The following ZBTB20 variants were observed in gnomAD, a reference collection of about 807,000 sequenced individuals.
ZBTB20 encodes zinc finger and BTB domain-containing protein 20.
ZBTB20 carries 9 observed loss-of-function variants against 56.9 expected under a neutral mutation model. The observed-to-expected ratio is 0.16, with a 90% CI of 0.10 to 0.28. The LOEUF (loss-of-function observed/expected upper bound fraction) is 0.28, where lower values mean the gene tolerates loss of function less well. ZBTB20 is among the 10% of genes least tolerant of loss of function. The pLI, the probability that ZBTB20 is intolerant of heterozygous loss-of-function variation, is 1.00. For synonymous variants in ZBTB20, 417 were observed against 420.7 expected, an observed-to-expected ratio of 0.99 and a Z score of 0.11; for missense variants, 655 against 1,003.0, an observed-to-expected ratio of 0.65 and a Z score of 4.69.
At chr3:115,121,310 A>C (rs2084175636) in intron 1 of ZBTB20, among the ~76,000 whole-genome samples, 1 of 152,072 alleles carries the variant, frequency 6.6e-6, no homozygotes, top group Admixed American at 6.5e-5. Flanking sequence ...TGTACCCATC[A>C]TTCAATTTCA....
At chr3:114,774,208 T>A (rs2069423403) in intron 5 of ZBTB20, among the ~76,000 whole-genome samples, 1 of 152,170 alleles carries the variant, frequency 6.6e-6, no homozygotes, top group Admixed American at 6.5e-5. Flanking sequence ...TATAATTATA[T>A]CACAGTATGA....
intron 1 of ZBTB20, among the ~76,000 whole-genome samples, chr3:115,142,119 G>A: frequency 6.6e-6 from 1 of 152,148 alleles, no homozygotes. Flanking sequence ...CCATAGGAAA[G>A]TTTTGGTAAC....
intron 5 of ZBTB20, among the ~76,000 whole-genome samples, chr3:114,731,486 A>G (rs2065746990): frequency 6.6e-6 from 1 of 152,170 alleles, no homozygotes; most frequent in Admixed American, 6.5e-5. Context: ...GACTCATGTC[A>G]TCTGCAAATC....
chr3:114,424,530 A>T (rs1035720160), intron 7 of ZBTB20, among the ~76,000 whole-genome samples: 1 of 152,196 alleles, frequency 6.6e-6, no homozygotes, highest in African/African-American at 2.4e-5. Context: ...ACTGCTTTGA[A>T]AGTTGCTATT....
chr3:114,642,798 C>A (rs540717487), intron 6 of ZBTB20, among the ~76,000 whole-genome samples: 1 of 152,072 alleles, frequency 6.6e-6, no homozygotes, highest in South Asian at 2.1e-4. Context: ...TAAATGAATT[C>A]CAAGGAAAAA....
chr3:115,130,959 C>T (rs2084488094), intron 1 of ZBTB20, among the ~76,000 whole-genome samples: 2 of 152,114 alleles, frequency 1.3e-5, no homozygotes, highest in African/African-American at 4.8e-5. Context: ...CAGGGTTTCT[C>T]CATGTTGCTC....
At chr3:114,999,214 T>G (rs1472961424) in intron 2 of ZBTB20, among the ~76,000 whole-genome samples, 15 of 98,776 alleles carry the variant, frequency 1.5e-4, no homozygotes, top group South Asian at 3.1e-4. Context: ...AGGAGGGAAA[T>G]GAAAGGAAAG....
At chr3:114,667,961 A>T (rs1386959254) in intron 6 of ZBTB20, among the ~76,000 whole-genome samples, 1 of 152,014 alleles carries the variant, frequency 6.6e-6, no homozygotes, top group East Asian at 1.9e-4. Flanking sequence ...AAAATGCTAT[A>T]AGACTCTGTC....
chr3:114,644,778 G>A (rs571416220), intron 6 of ZBTB20, among the ~76,000 whole-genome samples: 1 of 152,114 alleles, frequency 6.6e-6, no homozygotes, highest in East Asian at 1.9e-4. Context: ...TGCACCCTCT[G>A]TATCTAAAAT....
intron 7 of ZBTB20, among the ~76,000 whole-genome samples, chr3:114,399,237 G>A (rs1421192008): frequency 2.7e-4 from 41 of 152,116 alleles, no homozygotes; most frequent in Non-Finnish European, 1.5e-5. Context: ...TATTTTAGCA[G>A]AAGAGAAAGT....
At chr3:114,553,395 T>C (rs2050808861) in intron 6 of ZBTB20, among the ~76,000 whole-genome samples, 1 of 152,142 alleles carries the variant, frequency 6.6e-6, no homozygotes. Context: ...ACCATCCTCT[T>C]CCAAGCATTT....
chr3:114,576,492 A>C (rs1446721542), intron 6 of ZBTB20, among the ~76,000 whole-genome samples: 1 of 123,038 alleles, frequency 8.1e-6, no homozygotes, highest in Non-Finnish European at 1.7e-5. Flanking sequence ...ACAGAGCAAG[A>C]CTCCGTCTCA....
chr3:115,023,228 G>GTAGAA (rs2080278264), intron 2 of ZBTB20, among the ~76,000 whole-genome samples: 1 of 150,932 alleles, frequency 6.6e-6, no homozygotes, highest in East Asian at 1.9e-4. Flanking sequence ...GTTGTTCAAT[G>GTAGAA]TAGAATAGGG....
At chr3:115,035,370 A>ATT (rs2080871565) in intron 2 of ZBTB20, among the ~76,000 whole-genome samples, 1 of 152,154 alleles carries the variant, frequency 6.6e-6, no homozygotes, top group African/African-American at 2.4e-5. Flanking sequence ...AAACACAACA[A>ATT]CAAAAATCTG....
At chr3:114,696,013 A>G (rs753718989) in intron 5 of ZBTB20, among the ~76,000 whole-genome samples, 4 of 152,074 alleles carry the variant, frequency 2.6e-5, no homozygotes, top group South Asian at 2.1e-4. Context: ...TACATTAAAT[A>G]TATATATACT....
At chr3:114,672,233 G>T (rs961168007) in intron 6 of ZBTB20, among the ~76,000 whole-genome samples, 2 of 151,952 alleles carry the variant, frequency 1.3e-5, no homozygotes, top group Non-Finnish European at 2.9e-5. Flanking sequence ...GAGTAAGAAT[G>T]CTTCAAATAA....
At position 114,414,696 on chromosome 3, in the gene ZBTB20, A is replaced by G. The variant is rs537608019; in HGVS notation, c.-254-25591T>C. Among the ~76,000 whole-genome samples the G allele has an allele frequency of 2.0e-5, 3 of 148,502 alleles. 1 individual carries two copies. The South Asian group carries it at 6.3e-4, about 31-fold the overall frequency. Reference sequence around the variant, plus strand: ...GTTATTTTTATATGAAACAACGAATACATAAAATACTATATATTTATATAA... The same window carrying G: ...GTTATTTTTATATGAAACAACGAATGCATAAAATACTATATATTTATATAA... On this transcript the variant is annotated intron_variant, in intron 7 of 11. Transcript: ENST00000675478.
At chr3:115,004,514 T>C (rs1320686424) in intron 2 of ZBTB20, among the ~76,000 whole-genome samples, 1 of 151,500 alleles carries the variant, frequency 6.6e-6, no homozygotes, top group African/African-American at 2.4e-5. Flanking sequence ...CACACTAGGG[T>C]TTGTGCCTCT....
intron 6 of ZBTB20, among the ~76,000 whole-genome samples, chr3:114,628,019 T>C (rs1022208284): frequency 6.6e-6 from 1 of 152,162 alleles, no homozygotes; most frequent in Non-Finnish European, 1.5e-5. Flanking sequence ...TAACTCCCCA[T>C]GTCTCAGTCT....
Sources: gnomAD v4.1 joint callset for allele counts (sites outside exome capture counted in the v4.1 genomes callset) on GRCh38, gnomAD v4.1.1 for gene constraint, MANE v1.5 for transcripts, NCBI Gene and HGNC (gene_info 2026-07-23, HGNC 2026-07-21) for gene names.